The following BNC2 variants were observed in gnomAD, a reference collection of about 807,000 sequenced individuals.
BNC2 encodes zinc finger protein basonuclin-2.
Under a neutral mutation model 76.3 loss-of-function variants are expected in BNC2, and 20 were observed. The observed-to-expected ratio is 0.26, with a 90% CI of 0.18 to 0.38. BNC2 has a LOEUF of 0.38. BNC2 is among the 10% of genes least tolerant of loss of function. The probability of loss-of-function intolerance (pLI) is 1.00; values close to 1 mark genes in which losing one functional copy is unlikely to be tolerated. For missense variants in BNC2, 1,382 were observed against 1,399.8 expected (o/e 0.99, Z 0.20); for synonymous variants, 582 against 514.8 (o/e 1.13, Z -1.77).
intron 5 of BNC2, among the ~76,000 whole-genome samples, chr9:16,516,296 C>T (rs1181855109): frequency 2.7e-5 from 4 of 150,632 alleles, no homozygotes; most frequent in Admixed American, 2.0e-4. Context: ...CTTGTGATGC[C>T]GCCTCAGGTA....
intron 3 of BNC2, among the ~76,000 whole-genome samples, chr9:16,623,238 A>C (rs191163081): frequency 2.2e-4 from 33 of 152,274 alleles, no homozygotes; most frequent in African/African-American, 6.5e-4. Flanking sequence ...TAGCCACCAG[A>C]GATTGAAAGT....
chr9:16,858,840 C>T (rs1819327045), intron 1 of BNC2, among the ~76,000 whole-genome samples: 1 of 146,608 alleles, frequency 6.8e-6, no homozygotes, highest in Admixed American at 6.8e-5. Context: ...AGGGAGACTC[C>T]ATCTCAAAAA....
chr9:16,680,243 T>C (rs2134283580), intron 3 of BNC2, among the ~76,000 whole-genome samples: 1 of 152,298 alleles, frequency 6.6e-6, no homozygotes, highest in African/African-American at 2.4e-5. Flanking sequence ...GTTAGCTTTG[T>C]CGTTTTCTTA....
chr9:16,781,314 C>T (rs1246887751), intron 1 of BNC2, among the ~76,000 whole-genome samples: 2 of 151,904 alleles, frequency 1.3e-5, no homozygotes, highest in African/African-American at 4.8e-5. Flanking sequence ...AGCAGGGGCA[C>T]AGAAGAAAGG....
chr9:16,789,798 T>C (rs1347288073), intron 1 of BNC2, among the ~76,000 whole-genome samples: 1 of 152,238 alleles, frequency 6.6e-6, no homozygotes, highest in Non-Finnish European at 1.5e-5. Context: ...CATTCACATG[T>C]GTACATGCTG....
At chr9:16,844,756 A>C (rs1818926399) in intron 1 of BNC2, among the ~76,000 whole-genome samples, 1 of 152,116 alleles carries the variant, frequency 6.6e-6, no homozygotes, top group Non-Finnish European at 1.5e-5. Context: ...GCCTTGGCCA[A>C]AGTGCTGGGA....
intron 6 of BNC2, 148 bp downstream of exon 6, chr9:16,435,407 G>T: frequency 1.0e-6 from 1 of 955,858 alleles, no homozygotes; most frequent in Non-Finnish European, 1.6e-6. Flanking sequence ...CATGAGCATG[G>T]CAGCCTAGTT....
chr9:16,613,816 T>C (rs542740356), intron 3 of BNC2, among the ~76,000 whole-genome samples: 2 of 152,320 alleles, frequency 1.3e-5, no homozygotes, highest in African/African-American at 4.8e-5. Context: ...CAGCTGTCAC[T>C]GGGCATGTCA....
chr9:16,506,674 C>G (rs1490049135), intron 5 of BNC2, among the ~76,000 whole-genome samples: 3 of 144,910 alleles, frequency 2.1e-5, no homozygotes, highest in Admixed American at 6.8e-5. Context: ...TACAGTCACC[C>G]GCCACCACAC....
intron 3 of BNC2, chr9:16,665,025 T>C: frequency 2.2e-6 from 1 of 456,246 alleles, no homozygotes; most frequent in South Asian, 1.5e-5. Flanking sequence ...GCAACTATCC[T>C]AAACTAGACC....
intron 5 of BNC2, among the ~76,000 whole-genome samples, chr9:16,550,520 T>G (rs1038480312): frequency 6.6e-6 from 1 of 152,200 alleles, no homozygotes; most frequent in Non-Finnish European, 1.5e-5. Context: ...GGCAGAACAA[T>G]AGGACCATAA....
chr9:16,527,639 C>T (rs1185775190), intron 5 of BNC2, among the ~76,000 whole-genome samples: 1 of 152,052 alleles, frequency 6.6e-6, no homozygotes, highest in African/African-American at 2.4e-5. Flanking sequence ...CACTAGGGAG[C>T]GGCTAAAGAG....
At chr9:16,467,696 G>A (rs1229546385) in intron 5 of BNC2, among the ~76,000 whole-genome samples, 1 of 142,434 alleles carries the variant, frequency 7.0e-6, no homozygotes, top group Non-Finnish European at 1.5e-5. Context: ...GTCGTGGGAG[G>A]GGGGAGGGAT....
intron 1 of BNC2, among the ~76,000 whole-genome samples, chr9:16,768,730 G>C (rs1296051153): frequency 1.3e-5 from 2 of 152,154 alleles, no homozygotes; most frequent in Non-Finnish European, 2.9e-5. Flanking sequence ...TCTAATTGGA[G>C]AAACAGAAAA....
At chr9:16,545,581 C>A (rs538268660) in intron 5 of BNC2, among the ~76,000 whole-genome samples, 113 of 152,176 alleles carry the variant, frequency 7.4e-4, no homozygotes, top group African/African-American at 2.5e-3. Context: ...TTTTCTGGTC[C>A]AACTCTATAA....
chr9:16,497,768 T>TA (rs1563810881), intron 5 of BNC2, among the ~76,000 whole-genome samples: 4 of 152,060 alleles, frequency 2.6e-5, no homozygotes, highest in Admixed American at 1.3e-4. Context: ...TCCACCAACA[T>TA]AAAGGACATA....
chr9:16,773,357 C>G (rs1248898599), intron 1 of BNC2, among the ~76,000 whole-genome samples: 1 of 152,036 alleles, frequency 6.6e-6, no homozygotes, highest in Non-Finnish European at 1.5e-5. Flanking sequence ...CAACAAAAAG[C>G]CTTTTTTCCC....
intron 1 of BNC2, among the ~76,000 whole-genome samples, chr9:16,847,808 G>A (rs921099923): frequency 1.3e-5 from 2 of 152,096 alleles, no homozygotes; most frequent in African/African-American, 2.4e-5. Context: ...GAGAATCTAC[G>A]GAGCAGCATG....
At chr9:16,640,771 A>G (rs1294195733) in intron 3 of BNC2, among the ~76,000 whole-genome samples, 3 of 152,180 alleles carry the variant, frequency 2.0e-5, no homozygotes, top group African/African-American at 7.2e-5. Context: ...AGCATAACAG[A>G]CTAGCTAGGG....
Sources: allele counts gnomAD v4.1 joint callset (sites outside exome capture counted in the v4.1 genomes callset), GRCh38; gene constraint gnomAD v4.1.1; transcripts MANE v1.5; gene names NCBI Gene and HGNC (gene_info 2026-07-23, HGNC 2026-07-21).